The following ZSWIM5 variants were observed in gnomAD, a reference collection of about 807,000 sequenced individuals.
The protein encoded by ZSWIM5 is zinc finger SWIM-type containing 5.
In ZSWIM5, 55 loss-of-function variants were observed where a neutral mutation model predicts 119.6. That is an observed-to-expected ratio of 0.46 (90% CI 0.37 to 0.58). ZSWIM5 has a LOEUF of 0.58. Among genes scored for constraint, ZSWIM5 ranks in the 20% least tolerant of loss-of-function variants. ZSWIM5 has a pLI of 0.00. For synonymous variants in ZSWIM5, 537 were observed against 606.9 expected, an observed-to-expected ratio of 0.88 and a Z score of 1.69; for missense variants, 1,193 against 1,512.8, an observed-to-expected ratio of 0.79 and a Z score of 3.51.
chr1:45,159,980 C>T (rs967671726), intron 1 of ZSWIM5, among the ~76,000 whole-genome samples: 1 of 152,122 alleles, frequency 6.6e-6, no homozygotes, highest in African/African-American at 2.4e-5. Flanking sequence ...TTTTGATGAA[C>T]TCTACTCACC....
chr1:45,119,592 C>T (rs1275179564), intron 1 of ZSWIM5, among the ~76,000 whole-genome samples: 2 of 152,300 alleles, frequency 1.3e-5, no homozygotes, highest in Non-Finnish European at 1.5e-5. Context: ...ATATTACAAA[C>T]TTGTCAATGT....
chr1:45,152,360 A>G (rs1207537610), intron 1 of ZSWIM5, among the ~76,000 whole-genome samples: 5 of 152,224 alleles, frequency 3.3e-5, no homozygotes, highest in Non-Finnish European at 4.4e-5. Context: ...GTGGTGGCAG[A>G]TAAGTTTTAC....
intron 1 of ZSWIM5, among the ~76,000 whole-genome samples, chr1:45,106,033 G>A (rs1645473615): frequency 6.7e-6 from 1 of 150,050 alleles, no homozygotes; most frequent in South Asian, 2.1e-4. Flanking sequence ...TGGGAGGTGA[G>A]GAGCGCCTCT....
rs1428087545 is a variant in ZSWIM5, at chr1:45,206,156, T to G, written c.195A>C (p.Leu65Phe). Residue 65 changes from leucine to phenylalanine, a missense_variant, in exon 1 of 14, where the codon TTA (leucine) becomes TTC (phenylalanine). Physicochemically the swap from Leu to Phe is conservative, Grantham distance 22 (BLOSUM62 0). Around this residue, in one of 2 missense-constraint regions of ZSWIM5, gnomAD observed 232 missense variants for 222.9 expected, o/e 1.04. Coordinates refer to ENST00000359600, the MANE Select transcript of ZSWIM5 (RefSeq NM_020883.2). ...CCACCGTCTTGGCGGCGCAGTCCAG[T>G]AAGGAATCCGGCTGCAGGTGGGGGC... is the stretch of plus-strand genomic sequence containing the variant. ...GARPHLQPDS[L>F]LDCAAKTVAE... The G allele has an allele frequency of 6.2e-7, 1 of 1,609,242 alleles. No individual in the cohort carries two copies. The highest frequency in any genetic ancestry group is 1.3e-5 in the African/African-American group (1 of 74,692).
At chr1:45,078,999 G>C (rs1027363165) in intron 2 of ZSWIM5, among the ~76,000 whole-genome samples, 3 of 152,172 alleles carry the variant, frequency 2.0e-5, no homozygotes, top group Admixed American at 1.3e-4. Context: ...CACAAAAGAA[G>C]TGAAAATGGC....
intron 1 of ZSWIM5, among the ~76,000 whole-genome samples, chr1:45,097,797 G>T (rs746226444): frequency 6.6e-6 from 1 of 151,986 alleles, no homozygotes; most frequent in Non-Finnish European, 1.5e-5. Flanking sequence ...TGCCTCCCAG[G>T]TTCAAGCAAT....
At chr1:45,144,180 A>C (rs958612074) in intron 1 of ZSWIM5, among the ~76,000 whole-genome samples, 1 of 152,146 alleles carries the variant, frequency 6.6e-6, no homozygotes, top group Non-Finnish European at 1.5e-5. Context: ...GGAAGAGCTA[A>C]AATAATTCTG....
intron 1 of ZSWIM5, among the ~76,000 whole-genome samples, chr1:45,183,360 C>T (rs1268630520): frequency 1.3e-5 from 2 of 151,836 alleles, no homozygotes; most frequent in Non-Finnish European, 2.9e-5. Flanking sequence ...AGAGCAAACA[C>T]ATTCAAAAAC....
At chr1:45,020,863 C>G in intron 11 of ZSWIM5, 75 bp from the exon 12 acceptor site, 1 of 1,496,924 alleles carries the variant, frequency 6.7e-7, no homozygotes, top group Non-Finnish European at 9.1e-7. Context: ...AATAGATACT[C>G]ATTGAAATGG....
intron 11 of ZSWIM5, among the ~76,000 whole-genome samples, chr1:45,033,504 C>T (rs567004958): frequency 1.3e-5 from 2 of 152,234 alleles, no homozygotes; most frequent in Admixed American, 6.5e-5. Context: ...CTTACTTTCA[C>T]TTCTGTTTGT....
chr1:45,154,384 TA>T (rs892306678), intron 1 of ZSWIM5, among the ~76,000 whole-genome samples: 16 of 152,218 alleles, frequency 1.1e-4, no homozygotes, highest in African/African-American at 3.9e-4. Context: ...GGTGCTGGTA[TA>T]AAAATAGGCA....
Position 45,054,020 on chromosome 1 carries a change from T to G in ZSWIM5, c.1253-2767A>C, listed in dbSNP as rs187008832. On this transcript the variant is annotated intron_variant, in intron 4 of 13. Coordinates refer to ENST00000359600, the MANE Select transcript of ZSWIM5 (RefSeq NM_020883.2). Reference sequence around the variant, plus strand: ...AGTGTTGGCTTGGTACAGTGTCTCATGCTTGTAATACCAGTGCTTGGGGAG... The same window carrying G: ...AGTGTTGGCTTGGTACAGTGTCTCAGGCTTGTAATACCAGTGCTTGGGGAG... Among the ~76,000 whole-genome samples the G allele has an allele frequency of 2.0e-4, 31 of 152,228 alleles. No individual in the cohort carries two copies. The East Asian group carries it at 3.5e-3, about 17-fold the overall frequency.
Position 45,035,843 on chromosome 1 carries a change from C to G in ZSWIM5, c.2156-20G>C, listed in dbSNP as rs761891821. 3.1e-6 allele frequency: 5 copies of G among 1,611,232 alleles called. No individual in the cohort carries two copies. The highest frequency in any genetic ancestry group is 4.2e-6 in the Non-Finnish European group (5 of 1,178,844). On this transcript the variant is annotated intron_variant, in intron 9 of 13. Transcript: ENST00000359600. ...GACCTCCTGGAGGAAGATAAGCCAGCCAGTTATTTATCTGTATGCTTCCAT... is the reference window on the plus strand; with the variant it reads ...GACCTCCTGGAGGAAGATAAGCCAGGCAGTTATTTATCTGTATGCTTCCAT...
chr1:45,127,699 A>G (rs397614), intron 1 of ZSWIM5, among the ~76,000 whole-genome samples: 57 of 152,208 alleles, frequency 3.7e-4, no homozygotes, highest in African/African-American at 1.3e-3. Context: ...TCAGCCTCCT[A>G]AAGTGCTAGG....
chr1:45,018,698 T>C lies in ZSWIM5; in HGVS notation c.3314A>G (p.Lys1105Arg), dbSNP rs1409361864. The change falls in exon 14 of 14, where the codon AAA becomes AGA. Residue 1105 changes from lysine (K) to arginine (R), a missense_variant. Physicochemically the swap from Lys to Arg is conservative, Grantham distance 26. Coordinates refer to ENST00000359600, the MANE Select transcript of ZSWIM5 (RefSeq NM_020883.2). The surrounding 1 kb of genome is among the most constrained non-coding windows in gnomAD (Gnocchi z 6.7). ...RSSGKLMSTD[K>R]APLRQLLDAT... is the part of the protein sequence containing the mutation. The stretch of plus-strand genomic sequence containing the variant: ...ATCCAGCAACTGGCGCAATGGAGCT[T>C]TGTCAGTGGACATGAGCTTTCCAGA... 6.2e-7 allele frequency: 1 copy of C among 1,614,234 alleles called. No individual in the cohort carries two copies.
At chr1:45,108,318 A>G (rs1214075966) in intron 1 of ZSWIM5, among the ~76,000 whole-genome samples, 1 of 152,154 alleles carries the variant, frequency 6.6e-6, no homozygotes, top group African/African-American at 2.4e-5. Flanking sequence ...ATTCTGTTCC[A>G]TTATATCAAT....
chr1:45,055,112 T>G (rs1370361696), intron 4 of ZSWIM5, among the ~76,000 whole-genome samples: 1 of 152,190 alleles, frequency 6.6e-6, no homozygotes, highest in Non-Finnish European at 1.5e-5. Flanking sequence ...TGCCTCAGCC[T>G]CCCGAGTAGC....
chr1:45,206,515 G>A lies in ZSWIM5; in HGVS notation c.-165C>T. The A allele has an allele frequency of 9.4e-7, 1 of 1,067,792 alleles. No homozygotes were observed. Among genetic ancestry groups the A allele is most frequent in the Non-Finnish European group, 1.1e-6 (1 of 885,362 alleles). 66.1% of individuals were successfully genotyped at this position (1,067,792 alleles called of 1,614,324 possible). On this transcript the variant is annotated 5_prime_UTR_variant, in exon 1 of 14. Coordinates refer to ENST00000359600, the MANE Select transcript of ZSWIM5 (RefSeq NM_020883.2). ...GGCCCGAGTGGGGAACCGCGGCCGG[G>A]CCCGGGAGCGCGCCGCGAGGGCAGA... is the stretch of plus-strand genomic sequence containing the variant.
intron 8 of ZSWIM5, 107 bp downstream of exon 8, chr1:45,038,829 C>T: frequency 7.2e-7 from 1 of 1,391,726 alleles, no homozygotes; most frequent in South Asian, 1.3e-5. Context: ...CTCTTGAACT[C>T]AAGTAATCCA....
Sources: gnomAD v4.1 joint callset for allele counts (sites outside exome capture counted in the v4.1 genomes callset) on GRCh38, gnomAD v4.1.1 for gene constraint, gnomAD v4.1.1 regional missense constraint, Gnocchi (gnomAD v3.1) non-coding constraint, MANE v1.5 for transcripts, NCBI Gene and HGNC (gene_info 2026-07-23, HGNC 2026-07-21) for gene names.